Variants in TAFA1 observed in about 807,000 individuals in gnomAD.
The protein encoded by TAFA1 is TAFA chemokine like family member 1.
In TAFA1, 4 loss-of-function variants were observed where a neutral mutation model predicts 18.5. The ratio of observed to expected loss-of-function variants is 0.22; its 90% CI spans 0.11 to 0.49. The LOEUF (loss-of-function observed/expected upper bound fraction) is 0.49, where lower values mean the gene tolerates loss of function less well. TAFA1 is among the 20% of genes least tolerant of loss of function. The pLI, the probability that TAFA1 is intolerant of heterozygous loss-of-function variation, is 0.98. For synonymous variants in TAFA1, 56 were observed against 55.2 expected (o/e 1.01, Z -0.06); for missense variants, 147 against 169.0 (o/e 0.87, Z 0.72).
intron 2 of TAFA1, among the ~76,000 whole-genome samples, chr3:68,309,264 A>G (rs2068475215): frequency 6.6e-6 from 1 of 152,206 alleles, no homozygotes; most frequent in Non-Finnish European, 1.5e-5. Flanking sequence ...TGAATACAAT[A>G]ATGAATTATA....
At chr3:68,321,547 G>A (rs185680938) in intron 2 of TAFA1, among the ~76,000 whole-genome samples, 1 of 152,260 alleles carries the variant, frequency 6.6e-6, no homozygotes, top group East Asian at 1.9e-4. Flanking sequence ...TGGTGAAAAT[G>A]GCATATAATA....
chr3:68,325,532 G>T (rs887763038), intron 2 of TAFA1, among the ~76,000 whole-genome samples: 5 of 152,248 alleles, frequency 3.3e-5, no homozygotes, highest in African/African-American at 1.2e-4. Flanking sequence ...TAGTGATTAT[G>T]CTTATCACTC....
intron 3 of TAFA1, among the ~76,000 whole-genome samples, chr3:68,430,627 A>G (rs1157118105): frequency 2.0e-5 from 3 of 151,960 alleles, no homozygotes; most frequent in Non-Finnish European, 1.5e-5. Flanking sequence ...AGTGTCTGAC[A>G]ACAGATTTCA....
intron 2 of TAFA1, among the ~76,000 whole-genome samples, chr3:68,274,496 A>G (rs370380916): frequency 6.6e-6 from 1 of 152,198 alleles, no homozygotes; most frequent in African/African-American, 2.4e-5. Context: ...TGAGCTTCAC[A>G]GTGTGGTTTG....
chr3:68,308,481 A>G (rs1008848218), intron 2 of TAFA1, among the ~76,000 whole-genome samples: 8 of 152,132 alleles, frequency 5.3e-5, no homozygotes, highest in Non-Finnish European at 1.2e-4. Flanking sequence ...TGATGCCTTT[A>G]TAACAAACAA....
chr3:68,438,579 G>T (rs1405237399), intron 3 of TAFA1, among the ~76,000 whole-genome samples: 1 of 152,066 alleles, frequency 6.6e-6, no homozygotes, highest in African/African-American at 2.4e-5. Context: ...ATTAGGCATT[G>T]TTCTGGTGGG....
chr3:68,448,182 T>C (rs796824108), intron 3 of TAFA1, among the ~76,000 whole-genome samples: 27 of 152,296 alleles, frequency 1.8e-4, no homozygotes, highest in African/African-American at 6.3e-4. Flanking sequence ...TTAAACTGTT[T>C]TGTGCCTTGG....
chr3:68,201,303 G>A (rs1314734161), intron 2 of TAFA1, among the ~76,000 whole-genome samples: 1 of 151,582 alleles, frequency 6.6e-6, no homozygotes, highest in Admixed American at 6.6e-5. Flanking sequence ...CCAGCATGTG[G>A]CATATCTTTG....
intron 2 of TAFA1, among the ~76,000 whole-genome samples, chr3:68,371,448 C>T (rs1210719994): frequency 1.3e-5 from 2 of 152,068 alleles, no homozygotes; most frequent in Admixed American, 6.6e-5. Context: ...TATTGTTTAA[C>T]TCCCACTTGT....
intron 2 of TAFA1, among the ~76,000 whole-genome samples, chr3:68,238,204 G>T (rs2066953716): frequency 6.6e-6 from 1 of 152,120 alleles, no homozygotes; most frequent in African/African-American, 2.4e-5. Flanking sequence ...GCCTGTACAA[G>T]TGTCCAAGAG....
intron 3 of TAFA1, among the ~76,000 whole-genome samples, chr3:68,423,289 G>A (rs1256503423): frequency 6.6e-6 from 1 of 151,964 alleles, no homozygotes; most frequent in South Asian, 2.1e-4. Flanking sequence ...ACCCTATAAG[G>A]TATGTCCTCC....
chr3:68,495,509 T>C (rs540989886), intron 3 of TAFA1, among the ~76,000 whole-genome samples: 3 of 152,156 alleles, frequency 2.0e-5, no homozygotes, highest in Non-Finnish European at 4.4e-5. Context: ...ATATATGAAT[T>C]CTTAATCCAA....
chr3:68,391,246 A>G lies in TAFA1; in HGVS notation c.119-26034A>G, dbSNP rs140145471. ...GTGTCAATAGCCAAATCAATCAAGT[A>G]GAAGAAAGGATATTAGAGACTGAAG... On this transcript the variant is annotated intron_variant, in intron 2 of 4. Transcript: ENST00000478136. 7.9e-4 allele frequency among the ~76,000 whole-genome samples: 121 copies of G among 152,260 alleles called. No homozygotes were observed. In the East Asian group the frequency reaches 0.021, roughly 26 times the overall value.
chr3:68,107,653 C>G (rs555681006), intron 2 of TAFA1, among the ~76,000 whole-genome samples: 84 of 152,180 alleles, frequency 5.5e-4, no homozygotes, highest in Middle Eastern at 3.4e-3. Flanking sequence ...TGCTATTAGT[C>G]CATCAAATGA....
chr3:68,370,471 T>TATATATATATATATATATAC (rs1559637762), intron 2 of TAFA1, among the ~76,000 whole-genome samples: 39 of 26,986 alleles, frequency 1.4e-3, no homozygotes, highest in South Asian at 1.9e-3. Flanking sequence ...TGTGTGTGTG[T>TATATATATATATATATATAC]GTATATATAT....
chr3:68,254,484 G>T (rs1035297075), intron 2 of TAFA1, among the ~76,000 whole-genome samples: 1 of 152,124 alleles, frequency 6.6e-6, no homozygotes, highest in South Asian at 2.1e-4. Context: ...AACATCATTT[G>T]CATTAATCTC....
At chr3:68,516,856 C>A (rs2072928189) in intron 3 of TAFA1, among the ~76,000 whole-genome samples, 1 of 152,140 alleles carries the variant, frequency 6.6e-6, no homozygotes, top group Non-Finnish European at 1.5e-5. Flanking sequence ...TCTCTGCAAC[C>A]TCCACGTCCT....
chr3:68,022,841 AT>A (rs1194070694), intron 2 of TAFA1, among the ~76,000 whole-genome samples: 265 of 16,162 alleles, frequency 0.016, 1 homozygote, highest in African/African-American at 0.042. Context: ...ATATATATAT[AT>A]TATATATATA....
chr3:68,227,739 C>T (rs573854652), intron 2 of TAFA1, among the ~76,000 whole-genome samples: 1 of 152,282 alleles, frequency 6.6e-6, no homozygotes, highest in Admixed American at 6.5e-5. Context: ...TTTCTCTATA[C>T]AGATCTGGCT....
Sources: gnomAD v4.1 joint callset for allele counts (sites outside exome capture counted in the v4.1 genomes callset) on GRCh38, gnomAD v4.1.1 for gene constraint, MANE v1.5 for transcripts, NCBI Gene and HGNC (gene_info 2026-07-23, HGNC 2026-07-21) for gene names.